Variants in PLCB4 observed in about 807,000 individuals in gnomAD.
PLCB4 encodes the protein phospholipase C beta 4.
A neutral mutation model predicts 178.8 loss-of-function variants in PLCB4; 77 were observed. The ratio of observed to expected loss-of-function variants is 0.43; its 90% CI spans 0.36 to 0.52. The LOEUF is 0.52. PLCB4 is among the 20% of genes least tolerant of loss of function. PLCB4 has a pLI of 0.00. For missense variants in PLCB4, 1,024 were observed against 1,453.4 expected (o/e 0.70, Z 4.80); for synonymous variants, 496 against 490.8 (o/e 1.01, Z -0.14).
chr20:9,408,700 T>C lies in PLCB4; in HGVS notation c.1857T>C (p.His619=), dbSNP rs777393924. 5.7e-6 allele frequency: 9 copies of C among 1,566,876 alleles called. No individual in the cohort carries two copies. The highest frequency in any genetic ancestry group is 7.0e-6 in the Non-Finnish European group (8 of 1,137,244). Residue 619 remains histidine, a synonymous_variant, in exon 23 of 40, where the codon CAT becomes CAC. Transcript: ENST00000378473. ...TCGGTCTTGGCTACTTGAAGACACA[T>C]GCAATTGAATTTGTCAAGTATCCTT... ...ESVGLGYLKT[H]AIEFVNYNKR...
chr20:9,085,637 T>C (rs148468530), intron 1 of PLCB4, among the ~76,000 whole-genome samples: 2 of 152,326 alleles, frequency 1.3e-5, no homozygotes, highest in African/African-American at 4.8e-5. Context: ...GCAGCATAAG[T>C]GGGCATTACT....
chr20:9,311,920 G>A (rs1258610638), intron 4 of PLCB4, among the ~76,000 whole-genome samples: 2 of 152,184 alleles, frequency 1.3e-5, no homozygotes, highest in Admixed American at 1.3e-4. Context: ...CATTTGAAAT[G>A]TGGCTACTGG....
intron 3 of PLCB4, among the ~76,000 whole-genome samples, chr20:9,277,568 C>G (rs2094460745): frequency 1.3e-5 from 2 of 151,976 alleles, no homozygotes; most frequent in African/African-American, 4.8e-5. Context: ...AGCTGTTAAC[C>G]TTGCACCACA....
intron 5 of PLCB4, among the ~76,000 whole-genome samples, 176 bp from the exon 6 acceptor site, chr20:9,337,832 G>A (rs2032671614): frequency 1.3e-5 from 2 of 152,120 alleles, no homozygotes; most frequent in Admixed American, 6.6e-5. Context: ...AATACTTGGG[G>A]TCTTGATTAT....
chr20:9,389,602 C>A (rs150634272), intron 15 of PLCB4, among the ~76,000 whole-genome samples: 400 of 152,340 alleles, frequency 2.6e-3, no homozygotes, highest in African/African-American at 9.1e-3. Context: ...AAGCCACAGA[C>A]TGGCATGCCA....
chr20:9,302,100 G>C (rs2094712095), intron 3 of PLCB4, among the ~76,000 whole-genome samples: 1 of 151,892 alleles, frequency 6.6e-6, no homozygotes, highest in African/African-American at 2.4e-5. Context: ...GAAATATCTT[G>C]TAAGTGAGGC....
At chr20:9,475,594 A>G (rs2044489616) in intron 38 of PLCB4, among the ~76,000 whole-genome samples, 1 of 152,244 alleles carries the variant, frequency 6.6e-6, no homozygotes, top group African/African-American at 2.4e-5. Flanking sequence ...AGGAAAAGAC[A>G]TTCAAGATAT....
At chr20:9,289,299 T>C (rs2094560391) in intron 3 of PLCB4, among the ~76,000 whole-genome samples, 2 of 152,222 alleles carry the variant, frequency 1.3e-5, no homozygotes, top group South Asian at 2.1e-4. Flanking sequence ...AGTGGCTAGA[T>C]TGTGATGTTT....
intron 7 of PLCB4, among the ~76,000 whole-genome samples, chr20:9,357,154 T>C (rs1376029568): frequency 6.6e-6 from 1 of 152,024 alleles, no homozygotes; most frequent in African/African-American, 2.4e-5. Context: ...AACAACAAAA[T>C]TAATTGATCT....
chr20:9,448,543 A>T (rs113856170), intron 32 of PLCB4, among the ~76,000 whole-genome samples: 1 of 152,108 alleles, frequency 6.6e-6, no homozygotes, highest in African/African-American at 2.4e-5. Context: ...CCCAGGCCAC[A>T]TGCAGCTTAG....
rs555688588 is a variant in PLCB4, at chr20:9,476,673, G to A, written c.3496-44G>A. Reference sequence around the variant, plus strand: ...AATATTCATTTATTTTCTTCGTTTTGTATGTATGACTCAATTTTGACATTA... The same window carrying A: ...AATATTCATTTATTTTCTTCGTTTTATATGTATGACTCAATTTTGACATTA... On this transcript the variant is annotated intron_variant, in intron 38 of 39. Coordinates refer to ENST00000378473, the MANE Select transcript of PLCB4 (RefSeq NM_001377142.1). 2.1e-5 allele frequency: 28 copies of A among 1,357,732 alleles called. No homozygotes were observed. The Middle Eastern group carries it at 7.2e-4, about 35-fold the overall frequency. 84.1% of individuals were successfully genotyped at this position (1,357,732 alleles called of 1,614,324 possible).
intron 2 of PLCB4, among the ~76,000 whole-genome samples, chr20:9,118,110 G>T (rs1243778441): frequency 6.6e-6 from 1 of 151,882 alleles, no homozygotes; most frequent in East Asian, 1.9e-4. Context: ...AAGGTTACAT[G>T]TGCACATTGT....
chr20:9,085,472 C>G (rs1308095192), intron 1 of PLCB4, among the ~76,000 whole-genome samples: 1 of 152,172 alleles, frequency 6.6e-6, no homozygotes, highest in Non-Finnish European at 1.5e-5. Context: ...GGGCCACAAA[C>G]TGTTATTTTG....
intron 2 of PLCB4, among the ~76,000 whole-genome samples, chr20:9,183,818 T>C (rs894239185): frequency 2.0e-5 from 3 of 152,300 alleles, no homozygotes; most frequent in Non-Finnish European, 4.4e-5. Context: ...CCATACGAAA[T>C]TGCTGTTTTT....
chr20:9,283,142 A>T (rs1046097974), intron 3 of PLCB4, among the ~76,000 whole-genome samples: 1 of 151,970 alleles, frequency 6.6e-6, no homozygotes, highest in Non-Finnish European at 1.5e-5. Context: ...GGAGTGGTAA[A>T]TATATCCCCC....
chr20:9,326,335 C>A (rs1302026665), intron 4 of PLCB4, among the ~76,000 whole-genome samples: 1 of 152,074 alleles, frequency 6.6e-6, no homozygotes, highest in Non-Finnish European at 1.5e-5. Context: ...GTTCTTTATT[C>A]CTGAGGTAAG....
intron 3 of PLCB4, among the ~76,000 whole-genome samples, chr20:9,301,355 C>T (rs368034999): frequency 1.4e-4 from 21 of 151,988 alleles, no homozygotes; most frequent in South Asian, 6.2e-4. Flanking sequence ...TCTACCAGAA[C>T]GTGAGGCACA....
intron 8 of PLCB4, among the ~76,000 whole-genome samples, chr20:9,364,460 G>A (rs980917065): frequency 6.6e-6 from 1 of 152,094 alleles, no homozygotes; most frequent in South Asian, 2.1e-4. Flanking sequence ...TTCCATTCCT[G>A]GAAGATTATA....
Position 9,473,291 on chromosome 20 carries a change from C to G in PLCB4, c.3421C>G (p.Gln1141Glu). 6.5e-7 allele frequency: 1 copy of G among 1,536,296 alleles called. No homozygotes were observed. The highest frequency in any genetic ancestry group is 8.8e-7 in the Non-Finnish European group (1 of 1,138,676). ...LEERKRLAMK[Q>E]SKEMDQLKKV... ...TTTTTTTTTGCAGCTTGCCATGAAG[C>G]AGTCCAAAGAAATGGATCAGTTGAA... The change falls in exon 38 of 40, where the codon CAG (glutamine) becomes GAG (glutamate). Residue 1141 changes from glutamine (Q) to glutamate (E), a missense_variant. Coordinates refer to ENST00000378473, the MANE Select transcript of PLCB4 (RefSeq NM_001377142.1).
Sources: gnomAD v4.1 joint callset for allele counts (sites outside exome capture counted in the v4.1 genomes callset) on GRCh38, gnomAD v4.1.1 for gene constraint, MANE v1.5 for transcripts, NCBI Gene and HGNC (gene_info 2026-07-23, HGNC 2026-07-21) for gene names.